Variants in PADI2 observed in about 807,000 individuals in gnomAD.
The protein encoded by PADI2 is protein-arginine deiminase type-2.
In PADI2, 70 loss-of-function variants were observed where a neutral mutation model predicts 81.1. The observed-to-expected ratio is 0.86, with a 90% CI of 0.71 to 1.05. PADI2 has a LOEUF of 1.05. Ranked by LOEUF, PADI2 falls within the 50% of genes least tolerant of loss-of-function variation. The pLI, the probability that PADI2 is intolerant of heterozygous loss-of-function variation, is 0.00. For missense variants in PADI2, 853 were observed against 889.9 expected (o/e 0.96, Z 0.53); for synonymous variants, 338 against 358.0 (o/e 0.94, Z 0.63).
chr1:17,098,751 C>T lies in PADI2; in HGVS notation c.350-2781G>A, dbSNP rs546349914. 3.5e-3 allele frequency among the ~76,000 whole-genome samples: 540 copies of T among 152,328 alleles called. 1 individual carries two copies. Among genetic ancestry groups the T allele is most frequent in the African/African-American group, 0.012 (495 of 41,586 alleles). ...ATAATCCACTGAAATGACCTTCTGG[C>T]CCCTTCACCCTCAGAGACCGCCCAC... On this transcript the variant is annotated intron_variant, in intron 3 of 15. Transcript: ENST00000375486.
chr1:17,084,737 G>C, intron 7 of PADI2, 35 bp from the exon 8 acceptor site: 1 of 1,318,292 alleles, frequency 7.6e-7, no homozygotes, highest in Admixed American at 2.1e-5. Flanking sequence ...GGGATCAAAA[G>C]GTTTTGTCAG....
chr1:17,070,340 G>T, intron 14 of PADI2, 124 bp from the exon 15 acceptor site: 2 of 1,227,292 alleles, frequency 1.6e-6, no homozygotes, highest in Non-Finnish European at 2.3e-6. Flanking sequence ...ACTTCTAGCA[G>T]TCAGCGGGCG....
Position 17,104,974 on chromosome 1 carries a change from C to T in PADI2, c.180G>A (p.Glu60=). Residue 60 remains glutamate (E), a synonymous_variant, in exon 2 of 16, where the codon GAG becomes GAA. Coordinates refer to ENST00000375486, the MANE Select transcript of PADI2 (RefSeq NM_007365.3). ...AGCGCTGCTTGCCATTGGTGGCCAC[C>T]TCCTCAGCCTCCCCATCACGCACCA... is the stretch of plus-strand genomic sequence containing the variant. ...VEVVRDGEAE[E]VATNGKQRWL... 1.2e-6 allele frequency: 2 copies of T among 1,610,252 alleles called. No individual in the cohort carries two copies. The highest frequency in any genetic ancestry group is 1.7e-4 in the Middle Eastern group (1 of 5,924).
At chr1:17,069,743 G>A (rs905082580) in intron 15 of PADI2, among the ~76,000 whole-genome samples, 1 of 152,180 alleles carries the variant, frequency 6.6e-6, no homozygotes, top group Non-Finnish European at 1.5e-5. Context: ...GTGTCCATGT[G>A]TGCATATGTA....
Position 17,115,649 on chromosome 1 carries a change from C to T in PADI2, c.92+3631G>A, listed in dbSNP as rs1931730468. ...CCAGGATGGAACCAACCTAGGGACT[C>T]CCTCTGTGCTCTCTTTCCAACTTCA... On this transcript the variant is annotated intron_variant, in intron 1 of 15. Transcript: ENST00000375486. This position sits in a 1 kb window ranked among gnomAD's most constrained non-coding sequence, Gnocchi z 4.1. 6.6e-6 allele frequency among the ~76,000 whole-genome samples: 1 copy of T among 152,172 alleles called. No individual in the cohort carries two copies. The highest frequency in any genetic ancestry group is 2.4e-5 in the African/African-American group (1 of 41,436).
intron 1 of PADI2, among the ~76,000 whole-genome samples, chr1:17,108,879 C>G (rs1274229516): frequency 6.6e-6 from 1 of 152,208 alleles, no homozygotes; most frequent in Non-Finnish European, 1.5e-5. Context: ...CCATGAGAGT[C>G]TGGGAAACTA....
chr1:17,069,399 G>A (rs1248675283), intron 15 of PADI2, 122 bp from the exon 16 acceptor site: 1 of 730,026 alleles, frequency 1.4e-6, no homozygotes, highest in African/African-American at 1.7e-5. Context: ...TGATTGGATA[G>A]GGACGGAGTG....
intron 3 of PADI2, among the ~76,000 whole-genome samples, chr1:17,101,702 G>A (rs1275787986): frequency 6.6e-6 from 1 of 152,156 alleles, no homozygotes; most frequent in Non-Finnish European, 1.5e-5. Flanking sequence ...GGCTAGAGAG[G>A]AAGGGGCTGG....
intron 3 of PADI2, among the ~76,000 whole-genome samples, chr1:17,102,071 C>T (rs1393151627): frequency 2.0e-5 from 3 of 152,072 alleles, no homozygotes; most frequent in African/African-American, 7.2e-5. Flanking sequence ...ATAAGCAGGC[C>T]GCATCATTAT....
chr1:17,075,599 C>T lies in PADI2; in HGVS notation c.1455+80G>A, dbSNP rs1043601250. The stretch of plus-strand genomic sequence containing the variant: ...TTTATGCTGTCGAGTTCCTCTAGCT[C>T]TTGCCCTCTGCTGGCAGGGGCGGGT... On this transcript the variant is annotated intron_variant, in intron 12 of 15. Coordinates refer to ENST00000375486, the MANE Select transcript of PADI2 (RefSeq NM_007365.3). The T allele has an allele frequency of 1.5e-4, 205 of 1,327,624 alleles. 1 individual carries two copies. The highest frequency in any genetic ancestry group is 2.3e-4 in the Admixed American group (10 of 43,388). 82.2% of individuals were successfully genotyped at this position (1,327,624 alleles called of 1,614,324 possible). A position where few individuals can be genotyped will look rare whatever the true frequency, so the allele number is the denominator to read the frequency against.
In PADI2 at chr1:17,069,027, C is replaced by G; in HGVS notation, c.*17G>C. The G allele has an allele frequency of 6.3e-7, 1 of 1,594,772 alleles. No individual in the cohort carries two copies. The highest frequency in any genetic ancestry group is 1.1e-5 in the South Asian group (1 of 90,710). ...GAGAACTAAGCGAAGGAGGCAAACG[C>G]CAGGGCCCCTGGCAGGTCAGGGCAC... On this transcript the variant is annotated 3_prime_UTR_variant, in exon 16 of 16. Coordinates refer to ENST00000375486, the MANE Select transcript of PADI2 (RefSeq NM_007365.3).
chr1:17,112,755 G>A (rs745766407), intron 1 of PADI2, among the ~76,000 whole-genome samples: 4 of 152,160 alleles, frequency 2.6e-5, no homozygotes, highest in South Asian at 2.1e-4. Flanking sequence ...CAGCTGTCCC[G>A]GGCCTCTCCT....
chr1:17,067,703 G>A lies in PADI2; in HGVS notation c.*1341C>T, dbSNP rs991130276. ...GTTTGCAGAGCCCAACGCCGTGCCT[G>A]GCGCTTAGTGGCATACAACAAATGT... On this transcript the variant is annotated 3_prime_UTR_variant, in exon 16 of 16. Transcript: ENST00000375486. 2 of 152,218 alleles carry A rather than the reference G, an allele frequency of 1.3e-5. No homozygotes were observed. The highest frequency in any genetic ancestry group is 4.8e-5 in the African/African-American group (2 of 41,452). 9.4% of individuals were successfully genotyped at this position (152,218 alleles called of 1,614,324 possible).
chr1:17,076,141 C>A (rs1284942024), intron 11 of PADI2, among the ~76,000 whole-genome samples: 1 of 152,136 alleles, frequency 6.6e-6, no homozygotes, highest in Non-Finnish European at 1.5e-5. Flanking sequence ...CTGGACGGGG[C>A]TAGGGCACAG....
In PADI2 at chr1:17,071,445, C is replaced by G. The variant is rs754474438; in HGVS notation, c.1596G>C (p.Leu532=). The G allele has an allele frequency of 6.2e-7, 1 of 1,614,138 alleles. No homozygotes were observed. Among genetic ancestry groups the G allele is most frequent in the Non-Finnish European group, 8.5e-7 (1 of 1,179,978 alleles). ...SSKRITINKI[L]SNESLVQENL... ...TCTCCTGCACAAGGCTCTCGTTGGA[C>G]AGAATCTTGTTGATGGTGATTCGCT... Residue 532 remains leucine (L), a synonymous_variant, in exon 14 of 16, where the codon CTG becomes CTC. Coordinates refer to ENST00000375486, the MANE Select transcript of PADI2 (RefSeq NM_007365.3).
At chr1:17,105,810 G>T (rs1255289568) in intron 1 of PADI2, among the ~76,000 whole-genome samples, 1 of 152,192 alleles carries the variant, frequency 6.6e-6, no homozygotes, top group Non-Finnish European at 1.5e-5. Context: ...CTGTGAAGAG[G>T]ACATCTGTTG....
chr1:17,103,814 T>TAAAA (rs11378857), intron 2 of PADI2, among the ~76,000 whole-genome samples: 8 of 130,766 alleles, frequency 6.1e-5, no homozygotes, highest in South Asian at 2.5e-4. Context: ...GACCTGTCTC[T>TAAAA]AAAAAAAAAA....
chr1:17,069,042 G>A lies in PADI2; in HGVS notation c.*2C>T, dbSNP rs774556556. Reference sequence around the variant, plus strand: ...GAGGCAAACGCCAGGGCCCCTGGCAGGTCAGGGCACCATGTGCCACCACTT... The same window carrying A: ...GAGGCAAACGCCAGGGCCCCTGGCAAGTCAGGGCACCATGTGCCACCACTT... On this transcript the variant is annotated 3_prime_UTR_variant, in exon 16 of 16. Coordinates refer to ENST00000375486, the MANE Select transcript of PADI2 (RefSeq NM_007365.3). 4 of 1,606,842 alleles carry A rather than the reference G, an allele frequency of 2.5e-6. No individual in the cohort carries two copies. The South Asian group carries it at 4.4e-5, about 18-fold the overall frequency.
At chr1:17,104,498 G>C (rs1236207358) in intron 2 of PADI2, among the ~76,000 whole-genome samples, 1 of 122,428 alleles carries the variant, frequency 8.2e-6, no homozygotes, top group African/African-American at 3.1e-5. Context: ...GCAGTGGTGC[G>C]ATCTCGGCTC....
Sources: allele counts gnomAD v4.1 joint callset (sites outside exome capture counted in the v4.1 genomes callset), GRCh38; gene constraint gnomAD v4.1.1; non-coding constraint Gnocchi (gnomAD v3.1); transcripts MANE v1.5; gene names NCBI Gene and HGNC (gene_info 2026-07-23, HGNC 2026-07-21).